Variants in GALNT17 observed in about 807,000 individuals in gnomAD.
The protein encoded by GALNT17 is polypeptide N-acetylgalactosaminyltransferase 17.
A neutral mutation model predicts 63.7 loss-of-function variants in GALNT17; 29 were observed. The observed-to-expected ratio is 0.46, with a 90% CI of 0.34 to 0.62. GALNT17 has a LOEUF of 0.62. GALNT17 is among the 20% of genes least tolerant of loss of function. The pLI is 0.01. For missense variants in GALNT17, 603 were observed against 799.6 expected (o/e 0.75, Z 2.97); for synonymous variants, 305 against 318.3 (o/e 0.96, Z 0.45).
chr7:71,650,368 G>A (rs898773830), intron 6 of GALNT17, among the ~76,000 whole-genome samples: 1 of 152,172 alleles, frequency 6.6e-6, no homozygotes, highest in African/African-American at 2.4e-5. Flanking sequence ...TCCTGCTTCA[G>A]CCTTCTGAGT....
intron 1 of GALNT17, among the ~76,000 whole-genome samples, chr7:71,262,795 C>T (rs1372832359): frequency 2.0e-5 from 3 of 151,436 alleles, no homozygotes; most frequent in African/African-American, 7.3e-5. Context: ...ATCCTCCCAC[C>T]TGAGCTCCCC....
intron 9 of GALNT17, among the ~76,000 whole-genome samples, chr7:71,693,307 C>CATATATATATATATATATATATATATAT (rs1397260396): frequency 7.1e-5 from 9 of 126,674 alleles, no homozygotes; most frequent in East Asian, 9.5e-4. Flanking sequence ...CACACACACA[C>CATATATATATATATATATATATATATAT]ACATATATAT....
intron 1 of GALNT17, among the ~76,000 whole-genome samples, chr7:71,233,595 G>A (rs1369307870): frequency 2.6e-5 from 4 of 152,206 alleles, no homozygotes; most frequent in African/African-American, 9.6e-5. Flanking sequence ...TGCTCTGGGA[G>A]CCTATATTCA....
At position 71,649,801 on chromosome 7, in the gene GALNT17, A is replaced by G. The variant is rs969698865; in HGVS notation, c.1081-15610A>G. 4.6e-5 allele frequency among the ~76,000 whole-genome samples: 7 copies of G among 152,328 alleles called. No individual in the cohort carries two copies. The East Asian group carries it at 1.4e-3, about 29-fold the overall frequency. ...AAAGTGCACCTGTGTACCCTGATCA[A>G]TGTCTAACCATAATTCTGCCTAAAG... On this transcript the variant is annotated intron_variant, in intron 6 of 10. Transcript: ENST00000333538.
chr7:71,236,681 A>G (rs897684191), intron 1 of GALNT17, among the ~76,000 whole-genome samples: 1 of 152,186 alleles, frequency 6.6e-6, no homozygotes, highest in African/African-American at 2.4e-5. Context: ...TGCTGATGCA[A>G]CCGAACAATA....
intron 3 of GALNT17, among the ~76,000 whole-genome samples, chr7:71,415,166 G>A (rs1460165173): frequency 6.6e-6 from 1 of 152,124 alleles, no homozygotes; most frequent in Non-Finnish European, 1.5e-5. Context: ...ACTGCACTCA[G>A]CCAAGTATCA....
At chr7:71,552,937 G>C (rs1315817774) in intron 5 of GALNT17, among the ~76,000 whole-genome samples, 1 of 152,148 alleles carries the variant, frequency 6.6e-6, no homozygotes, top group African/African-American at 2.4e-5. Context: ...AGGAAACCCA[G>C]TTGCTGGGCA....
At chr7:71,524,268 A>ATATATTAT (rs1788588129) in intron 5 of GALNT17, among the ~76,000 whole-genome samples, 1 of 147,668 alleles carries the variant, frequency 6.8e-6, no homozygotes, top group African/African-American at 2.5e-5. Context: ...TATTATATAT[A>ATATATTAT]ATTATATATT....
chr7:71,157,634 G>A (rs1318336910), intron 1 of GALNT17, among the ~76,000 whole-genome samples: 1 of 150,990 alleles, frequency 6.6e-6, no homozygotes, highest in African/African-American at 2.5e-5. Context: ...TTCCGGCCTG[G>A]GTGACGGAGT....
At position 71,383,418 on chromosome 7, in the gene GALNT17, T is replaced by TA. The variant is rs1792881489; in HGVS notation, c.423-4816dup. ...GTATAAATGTCATGTAAATAATTGT[T>TA]ACGCTTATTGATTTTATATCATTAT... On this transcript the variant is annotated intron_variant, in intron 2 of 10. Coordinates refer to ENST00000333538, the MANE Select transcript of GALNT17 (RefSeq NM_022479.3). Among the ~76,000 whole-genome samples, 6 of 152,182 alleles carry TA rather than the reference T, an allele frequency of 3.9e-5. 1 individual carries two copies. The South Asian group carries it at 1.2e-3, about 32-fold the overall frequency.
At chr7:71,147,035 GA>G (rs1157312866) in intron 1 of GALNT17, among the ~76,000 whole-genome samples, 6 of 152,150 alleles carry the variant, frequency 3.9e-5, no homozygotes, top group Admixed American at 1.3e-4. Context: ...GAAAGAGCAT[GA>G]ATTTGGGTTC....
intron 3 of GALNT17, among the ~76,000 whole-genome samples, chr7:71,398,501 A>T (rs1301859115): frequency 3.3e-5 from 5 of 151,834 alleles, no homozygotes; most frequent in Non-Finnish European, 7.4e-5. Flanking sequence ...TCCCTGGAGG[A>T]TGTTAATAAT....
At chr7:71,189,450 G>A (rs1788910704) in intron 1 of GALNT17, among the ~76,000 whole-genome samples, 1 of 152,172 alleles carries the variant, frequency 6.6e-6, no homozygotes, top group South Asian at 2.1e-4. Context: ...GGTGGGGGTG[G>A]CATGTTTGAT....
At chr7:71,262,335 C>CA (rs1383286310) in intron 1 of GALNT17, among the ~76,000 whole-genome samples, 1 of 152,070 alleles carries the variant, frequency 6.6e-6, no homozygotes, top group African/African-American at 2.4e-5. Context: ...AGGCTGGTCT[C>CA]AAAGTCCCGG....
intron 1 of GALNT17, among the ~76,000 whole-genome samples, chr7:71,246,262 C>T (rs1264571325): frequency 3.3e-5 from 5 of 151,048 alleles, no homozygotes; most frequent in Non-Finnish European, 7.4e-5. Context: ...GCTGGGATTA[C>T]AGGCACCCAC....
intron 1 of GALNT17, among the ~76,000 whole-genome samples, chr7:71,240,812 C>G (rs746200143): frequency 8.6e-5 from 13 of 151,938 alleles, no homozygotes; most frequent in South Asian, 4.2e-4. Flanking sequence ...CTACAGGCGC[C>G]CGCCACCTCG....
At chr7:71,191,649 T>A (rs1003040541) in intron 1 of GALNT17, among the ~76,000 whole-genome samples, 2 of 152,222 alleles carry the variant, frequency 1.3e-5, no homozygotes, top group African/African-American at 2.4e-5. Flanking sequence ...TATGTGTGGA[T>A]CTGTCACAGT....
intron 5 of GALNT17, among the ~76,000 whole-genome samples, chr7:71,468,649 T>G (rs1787577579): frequency 6.6e-6 from 1 of 151,876 alleles, no homozygotes; most frequent in South Asian, 2.1e-4. Flanking sequence ...ACTCCTGACC[T>G]CAGGTGATCC....
chr7:71,488,218 A>G (rs369079287), intron 5 of GALNT17, among the ~76,000 whole-genome samples: 19 of 151,432 alleles, frequency 1.3e-4, no homozygotes, highest in African/African-American at 4.1e-4. Context: ...AGCCTTAGAC[A>G]GTGCGCCCAA....
Sources: gnomAD v4.1 joint callset for allele counts (sites outside exome capture counted in the v4.1 genomes callset) on GRCh38, gnomAD v4.1.1 for gene constraint, MANE v1.5 for transcripts, NCBI Gene and HGNC (gene_info 2026-07-23, HGNC 2026-07-21) for gene names.